Variants in SLIT3 observed in about 807,000 individuals in gnomAD.
SLIT3 encodes slit homolog 3 protein.
SLIT3 carries 68 observed loss-of-function variants against 184.0 expected under a neutral mutation model. That is an observed-to-expected ratio of 0.37 (90% CI 0.30 to 0.45). The LOEUF is 0.45. Among genes scored for constraint, SLIT3 ranks in the 20% least tolerant of loss-of-function variants. The probability of loss-of-function intolerance (pLI) is 1.00; values close to 1 mark genes in which losing one functional copy is unlikely to be tolerated. For synonymous variants in SLIT3, 831 were observed against 828.6 expected (o/e 1.00, Z -0.05); for missense variants, 1,707 against 2,026.0 (o/e 0.84, Z 3.02).
chr5:168,774,430 G>C, intron 12 of SLIT3, 52 bp from the exon 13 acceptor site: 3 of 1,555,200 alleles, frequency 1.9e-6, no homozygotes, highest in East Asian at 2.3e-5. Context: ...AATTACCTGC[G>C]GGGCAAGGGT....
At chr5:168,973,293 G>T (rs1248186697) in intron 4 of SLIT3, among the ~76,000 whole-genome samples, 1 of 151,968 alleles carries the variant, frequency 6.6e-6, no homozygotes, top group Non-Finnish European at 1.5e-5. Flanking sequence ...TTTTGCCCAG[G>T]CTGGAGTGCA....
intron 6 of SLIT3, among the ~76,000 whole-genome samples, chr5:168,826,156 C>A (rs1469669182): frequency 6.6e-6 from 1 of 152,218 alleles, no homozygotes; most frequent in Non-Finnish European, 1.5e-5. Flanking sequence ...GCAGCGATGA[C>A]TTATTAATGT....
intron 31 of SLIT3, among the ~76,000 whole-genome samples, chr5:168,684,376 G>A (rs1381953410): frequency 6.6e-6 from 1 of 152,176 alleles, no homozygotes; most frequent in Non-Finnish European, 1.5e-5. Context: ...CAGGAGGCCC[G>A]AACTCTAATC....
In SLIT3 at chr5:168,817,423, C is replaced by A; in HGVS notation, c.670G>T (p.Ala224Ser). ...TGTCGCAGCCAATCCGAGAGCCAGG[C>A]CAGGTGGCAGTCGCAGTACAGGTGG... ...SNHLYCDCHLAWLSDWLRQRR... is the reference protein window; with the variant it reads ...SNHLYCDCHLSWLSDWLRQRR... The change falls in exon 8 of 36, where the codon GCC becomes TCC. Residue 224 changes from alanine (A) to serine (S), a missense_variant. This residue lies in a region of SLIT3 where 1,307 missense variants were observed against 1,511.6 expected (regional missense o/e 0.86). Transcript: ENST00000519560. 3 of 1,614,188 alleles carry A rather than the reference C, an allele frequency of 1.9e-6. No individual in the cohort carries two copies. Among genetic ancestry groups the A allele is most frequent in the Non-Finnish European group, 2.5e-6 (3 of 1,180,032 alleles).
intron 10 of SLIT3, among the ~76,000 whole-genome samples, chr5:168,795,151 T>C (rs887923993): frequency 1.3e-5 from 2 of 152,202 alleles, no homozygotes; most frequent in Admixed American, 6.5e-5. Flanking sequence ...GGGGCCACCA[T>C]CACATCTCTG....
At chr5:168,879,514 C>G (rs1259091394) in intron 5 of SLIT3, among the ~76,000 whole-genome samples, 1 of 152,184 alleles carries the variant, frequency 6.6e-6, no homozygotes, top group Non-Finnish European at 1.5e-5. Flanking sequence ...TGTCCAGATG[C>G]TTCTCCTCCA....
At chr5:169,262,676 A>C (rs1159635176) in intron 1 of SLIT3, among the ~76,000 whole-genome samples, 1 of 152,184 alleles carries the variant, frequency 6.6e-6, no homozygotes, top group African/African-American at 2.4e-5. Context: ...TGTCAATTTC[A>C]TTCCACAGCT....
At chr5:168,674,180 C>T (rs1342216372) in intron 32 of SLIT3, among the ~76,000 whole-genome samples, 1 of 152,124 alleles carries the variant, frequency 6.6e-6, no homozygotes, top group Non-Finnish European at 1.5e-5. Context: ...CCTTATAATA[C>T]TCATGCTAGG....
intron 4 of SLIT3, among the ~76,000 whole-genome samples, chr5:169,002,220 G>A (rs1432156273): frequency 1.3e-5 from 2 of 148,412 alleles, no homozygotes; most frequent in South Asian, 2.1e-4. Flanking sequence ...CTACTAGGGA[G>A]GCTAAGGCAG....
intron 4 of SLIT3, among the ~76,000 whole-genome samples, chr5:169,065,269 A>G (rs1394163337): frequency 6.6e-5 from 10 of 152,230 alleles, no homozygotes; most frequent in Admixed American, 6.5e-4. Context: ...AACATTCAGT[A>G]TTCACCTTGG....
Position 168,748,378 on chromosome 5 carries a change from T to C in SLIT3, c.2194A>G (p.Met732Val). 1.3e-6 allele frequency: 2 copies of C among 1,518,120 alleles called. No homozygotes were observed. The highest frequency in any genetic ancestry group is 1.7e-6 in the Non-Finnish European group (2 of 1,144,300). 94.0% of individuals were successfully genotyped at this position (1,518,120 alleles called of 1,614,324 possible). A position where few individuals can be genotyped will look rare whatever the true frequency, so the allele number is the denominator to read the frequency against. The change falls in exon 20 of 36, where the codon ATG (methionine) becomes GTG (valine). Residue 732 changes from methionine (M) to valine (V), a missense_variant. By Grantham distance (21) the Met-to-Val change is conservative. Coordinates refer to ENST00000519560, the MANE Select transcript of SLIT3 (RefSeq NM_003062.4). ...SPRCPEQCTC[M>V]ETVVRCSNKG... Reference sequence around the variant, plus strand: ...TTGCTGCATCGCACCACTGTCTCCATACAGGTGCACTGCTCCGGGCAGCGC... The same window carrying C: ...TTGCTGCATCGCACCACTGTCTCCACACAGGTGCACTGCTCCGGGCAGCGC...
At chr5:169,056,794 C>G (rs1055345521) in intron 4 of SLIT3, among the ~76,000 whole-genome samples, 2 of 152,092 alleles carry the variant, frequency 1.3e-5, no homozygotes, top group African/African-American at 4.8e-5. Context: ...CTTCACAGTC[C>G]CATGGAGGAA....
At chr5:169,277,150 T>G (rs1363169548) in intron 1 of SLIT3, among the ~76,000 whole-genome samples, 1 of 151,244 alleles carries the variant, frequency 6.6e-6, no homozygotes, top group Non-Finnish European at 1.5e-5. Flanking sequence ...TGCTGGACAC[T>G]TCATGTAAGT....
rs189024567 is a variant in SLIT3 at position 168,783,590 on chromosome 5, A to T, written c.1151+2317T>A. ...TTGAGAGATGGAATGAGAAGAAAAA[A>T]TGCAATCCTCTCACAAAGAGACTCT... On this transcript the variant is annotated intron_variant, in intron 12 of 35. Coordinates refer to ENST00000519560, the MANE Select transcript of SLIT3 (RefSeq NM_003062.4). Among the ~76,000 whole-genome samples the T allele has an allele frequency of 7.9e-3, 1,198 of 152,334 alleles. 3 individuals carry two copies. The highest frequency in any genetic ancestry group is 0.012 in the Admixed American group (186 of 15,300).
chr5:168,774,107 C>A, intron 13 of SLIT3, 128 bp downstream of exon 13: 2 of 881,294 alleles, frequency 2.3e-6, no homozygotes, highest in Non-Finnish European at 3.5e-6. Context: ...ATTATTCTAG[C>A]TTCCCTGCAG....
chr5:169,040,066 T>A (rs1757394915), intron 4 of SLIT3, among the ~76,000 whole-genome samples: 1 of 152,178 alleles, frequency 6.6e-6, no homozygotes, highest in Admixed American at 6.5e-5. Context: ...ACCATTTAGA[T>A]GAGATATAAA....
chr5:169,181,508 G>A (rs1332571625), intron 4 of SLIT3, among the ~76,000 whole-genome samples: 1 of 152,154 alleles, frequency 6.6e-6, no homozygotes, highest in Non-Finnish European at 1.5e-5. Context: ...TTGGGAGGCT[G>A]AGGTGGGCGG....
intron 1 of SLIT3, among the ~76,000 whole-genome samples, chr5:169,258,480 G>C (rs1388490063): frequency 3.9e-5 from 6 of 152,210 alleles, no homozygotes; most frequent in Admixed American, 2.0e-4. Flanking sequence ...GCAAGCTCAA[G>C]GAGGAAGAGC....
chr5:168,941,972 T>A (rs1762347669), intron 4 of SLIT3, among the ~76,000 whole-genome samples: 1 of 152,158 alleles, frequency 6.6e-6, no homozygotes, highest in African/African-American at 2.4e-5. Context: ...ATTGAGAGGC[T>A]GTCACCTTTC....
Sources: gnomAD v4.1 joint callset for allele counts (sites outside exome capture counted in the v4.1 genomes callset) on GRCh38, gnomAD v4.1.1 for gene constraint, gnomAD v4.1.1 regional missense constraint, MANE v1.5 for transcripts, NCBI Gene and HGNC (gene_info 2026-07-23, HGNC 2026-07-21) for gene names.